PAWR: variants seen among roughly 807,000 people sequenced by gnomAD.
PAWR encodes PRKC apoptosis WT1 regulator protein.
A neutral mutation model predicts 32.0 loss-of-function variants in PAWR; 23 were observed. The ratio of observed to expected loss-of-function variants is 0.72; its 90% CI spans 0.52 to 1.02. PAWR has a LOEUF of 1.02. PAWR is among the 50% of genes least tolerant of loss of function. The pLI is 0.00. For synonymous variants in PAWR, 226 were observed against 187.1 expected (o/e 1.21, Z -1.70); for missense variants, 457 against 437.7 (o/e 1.04, Z -0.39).
Position 79,593,701 on chromosome 12 carries a change from GT to G in PAWR, c.936+627del, listed in dbSNP as rs537217082. ...AATAATAAAGAGTACCAATTTTAGGGTTTTTTTTTTTTTTTTTTGAGACAGA... is the reference window on the plus strand; with the variant it reads ...AATAATAAAGAGTACCAATTTTAGGGTTTTTTTTTTTTTTTTTGAGACAGA... On this transcript the variant is annotated intron_variant, in intron 6 of 6. Transcript: ENST00000328827. Among the ~76,000 whole-genome samples, 1,029 of 126,770 alleles carry G rather than the reference GT, an allele frequency of 8.1e-3. 6 individuals are homozygous for G. Among genetic ancestry groups the G allele is most frequent in the Non-Finnish European group, 9.4e-3 (557 of 59,470 alleles). 83.2% of individuals were successfully genotyped at this position (126,770 alleles called of 152,430 possible).
intron 4 of PAWR, among the ~76,000 whole-genome samples, chr12:79,600,815 C>G (rs1288191578): frequency 6.6e-6 from 1 of 152,132 alleles, no homozygotes; most frequent in East Asian, 1.9e-4. Flanking sequence ...AAATGACTAA[C>G]TTCAAAATAT....
chr12:79,594,735 G>A (rs1367210902), intron 5 of PAWR, among the ~76,000 whole-genome samples: 1 of 151,616 alleles, frequency 6.6e-6, no homozygotes, highest in Non-Finnish European at 1.5e-5. Flanking sequence ...GTGTATGTAT[G>A]TATGGCAGTG....
chr12:79,645,526 G>A (rs928661728), intron 2 of PAWR, among the ~76,000 whole-genome samples: 1 of 152,158 alleles, frequency 6.6e-6, no homozygotes, highest in Non-Finnish European at 1.5e-5. Flanking sequence ...ACAAATATCT[G>A]AGGGCTAATT....
chr12:79,684,294 A>T (rs1190056714), intron 2 of PAWR, among the ~76,000 whole-genome samples: 1 of 146,878 alleles, frequency 6.8e-6, no homozygotes, highest in Non-Finnish European at 1.5e-5. Context: ...ATAGGTGCTA[A>T]AAAAAAAATG....
rs1178859320 is a variant in PAWR at position 79,589,844 on chromosome 12, G to A, written c.*2763C>T. 1 of 152,112 alleles carries A rather than the reference G, an allele frequency of 6.6e-6. No homozygotes were observed. Among genetic ancestry groups the A allele is most frequent in the African/African-American group, 2.4e-5 (1 of 41,434 alleles). 9.4% of individuals were successfully genotyped at this position (152,112 alleles called of 1,614,324 possible). On this transcript the variant is annotated 3_prime_UTR_variant, in exon 7 of 7. Coordinates refer to ENST00000328827, the MANE Select transcript of PAWR (RefSeq NM_002583.4). ...AAATTCCCAGGAGATTTAAGAAATAGTATTTCTGAACAGGAATAATAATTT... is the reference window on the plus strand; with the variant it reads ...AAATTCCCAGGAGATTTAAGAAATAATATTTCTGAACAGGAATAATAATTT...
chr12:79,669,843 G>C (rs1262352402), intron 2 of PAWR, among the ~76,000 whole-genome samples: 1 of 151,676 alleles, frequency 6.6e-6, no homozygotes, highest in Non-Finnish European at 1.5e-5. Context: ...ACATACTATA[G>C]GTGTGCACCA....
intron 4 of PAWR, among the ~76,000 whole-genome samples, chr12:79,608,719 A>G (rs1874307907): frequency 6.6e-6 from 1 of 152,206 alleles, no homozygotes; most frequent in Non-Finnish European, 1.5e-5. Flanking sequence ...AAGTGTTTCT[A>G]AAATCACTGT....
At chr12:79,594,512 A>T (rs1873675344) in intron 5 of PAWR, 79 bp from the exon 6 acceptor site, 1 of 673,306 alleles carries the variant, frequency 1.5e-6, no homozygotes, top group East Asian at 2.8e-5. Flanking sequence ...ATATCTCCCC[A>T]ATTTGGTAAA....
chr12:79,686,221 C>G (rs949534148), intron 2 of PAWR, among the ~76,000 whole-genome samples: 3 of 152,160 alleles, frequency 2.0e-5, no homozygotes, highest in African/African-American at 4.8e-5. Flanking sequence ...TTCACACAAC[C>G]CTACTCAATG....
intron 2 of PAWR, among the ~76,000 whole-genome samples, chr12:79,676,381 CAA>C (rs941908708): frequency 1.3e-5 from 2 of 152,090 alleles, no homozygotes; most frequent in Non-Finnish European, 2.9e-5. Context: ...TCATGTGACT[CAA>C]GATAATAATA....
In PAWR at chr12:79,621,168, CT is replaced by C; in HGVS notation, c.555del (p.Glu186SerfsTer19). On this transcript the variant is annotated frameshift_variant, in exon 3 of 7. Coordinates refer to ENST00000328827, the MANE Select transcript of PAWR (RefSeq NM_002583.4). LOFTEE classifies it high-confidence loss of function. ...DEYEDDEAGQ[K>X]ERKREDAITQ... The stretch of plus-strand genomic sequence containing the variant: ...GTAATTGCATCTTCTCGTTTCCGCT[CT>C]TTCTGCCCTGCTTCATCATCTTCGT... 6.2e-7 allele frequency: 1 copy of C among 1,611,866 alleles called. No individual in the cohort carries two copies. Among genetic ancestry groups the C allele is most frequent in the Non-Finnish European group, 8.5e-7 (1 of 1,179,396 alleles).
At chr12:79,638,737 G>C (rs1876090699) in intron 2 of PAWR, among the ~76,000 whole-genome samples, 2 of 149,254 alleles carry the variant, frequency 1.3e-5, no homozygotes, top group South Asian at 4.3e-4. Flanking sequence ...CATACCCAGG[G>C]ACTCTAGATC....
In PAWR at chr12:79,632,343, ATATATATATATATATATATT is replaced by A. The variant is rs1566011059; in HGVS notation, c.517-11156_517-11137del. Among the ~76,000 whole-genome samples, 13 of 58,240 alleles carry A rather than the reference ATATATATATATATATATATT, an allele frequency of 2.2e-4. 1 individual carries two copies. The highest frequency in any genetic ancestry group is 1.8e-3 in the African/African-American group (5 of 2,752). The allele number at this position is 58,240 out of a possible 152,430, so 38.2% of individuals were successfully genotyped here. On this transcript the variant is annotated intron_variant, in intron 2 of 6. Transcript: ENST00000328827. ...TATATATATATATATATATATATAT[ATATATATATATATATATATT>A]TTTTTTTTTTTTTAGACAGGGTCTT...
chr12:79,594,385 G>A lies in PAWR; in HGVS notation c.880C>T (p.Gln294Ter). The change falls in exon 6 of 7, where the codon CAA becomes TAA. Residue 294 changes from glutamine to a stop codon, truncating the protein, a stop_gained. Coordinates refer to ENST00000328827, the MANE Select transcript of PAWR (RefSeq NM_002583.4). LOFTEE classifies it high-confidence loss of function. ...TTTCCAATCATTTCCTCTTTATCTT[G>A]CATCAGTCTCACAAGTCTTAGGTTT... is the stretch of plus-strand genomic sequence containing the variant. ...QENLRLVRLMQDKEEMIGKLK... is the reference protein window; with the variant it reads ...QENLRLVRLM The A allele has an allele frequency of 6.4e-7, 1 of 1,562,858 alleles. No homozygotes were observed. Among genetic ancestry groups the A allele is most frequent in the South Asian group, 1.2e-5 (1 of 86,224 alleles).
chr12:79,652,056 T>C (rs774783685), intron 2 of PAWR, among the ~76,000 whole-genome samples: 6 of 151,988 alleles, frequency 3.9e-5, no homozygotes, highest in African/African-American at 9.7e-5. Context: ...CAAATTAATA[T>C]AGACAAAGTA....
At position 79,596,594 on chromosome 12, in the gene PAWR, G is replaced by C. The variant is rs893489643; in HGVS notation, c.748C>G (p.Pro250Ala). ...ACATTTGCATCCCTGTTATATCTAG[G>C]GAACCCACTTCTATCTGTTCGAGAA... ...RYSRTDRSGF[P>A]RYNRDANVSG... The change falls in exon 5 of 7, where the codon CCT becomes GCT. Residue 250 changes from proline to alanine, a missense_variant. By Grantham distance (27) the Pro-to-Ala change is conservative. Coordinates refer to ENST00000328827, the MANE Select transcript of PAWR (RefSeq NM_002583.4). 3 of 1,597,246 alleles carry C rather than the reference G, an allele frequency of 1.9e-6. No individual in the cohort carries two copies. The highest frequency in any genetic ancestry group is 2.6e-6 in the Non-Finnish European group (3 of 1,166,576).
In PAWR at chr12:79,621,150, C is replaced by T. The variant is rs754438975; in HGVS notation, c.574G>A (p.Ala192Thr). 42 of 1,610,628 alleles carry T rather than the reference C, an allele frequency of 2.6e-5. No individual in the cohort carries two copies. Among genetic ancestry groups the T allele is most frequent in the Non-Finnish European group, 3.6e-5 (42 of 1,177,876 alleles). The change falls in exon 3 of 7, where the codon GCA becomes ACA. Residue 192 changes from alanine (A) to threonine (T), a missense_variant. Coordinates refer to ENST00000328827, the MANE Select transcript of PAWR (RefSeq NM_002583.4). ...AGQKERKRED[A>T]ITQQNTIQNE... Reference sequence around the variant, plus strand: ...TGAATAGTGTTCTGTTGTGTAATTGCATCTTCTCGTTTCCGCTCTTTCTGC... The same window carrying T: ...TGAATAGTGTTCTGTTGTGTAATTGTATCTTCTCGTTTCCGCTCTTTCTGC...
chr12:79,636,308 T>C (rs1875958484), intron 2 of PAWR, among the ~76,000 whole-genome samples: 1 of 150,496 alleles, frequency 6.6e-6, no homozygotes, highest in African/African-American at 2.5e-5. Flanking sequence ...ATATACCATT[T>C]GCCTCTATTA....
At chr12:79,629,712 G>A (rs942604575) in intron 2 of PAWR, among the ~76,000 whole-genome samples, 7 of 151,966 alleles carry the variant, frequency 4.6e-5, no homozygotes, top group South Asian at 2.1e-4. Context: ...CTCACTGTAT[G>A]TTCAATAAGA....
Sources: allele counts gnomAD v4.1 joint callset (sites outside exome capture counted in the v4.1 genomes callset), GRCh38; gene constraint gnomAD v4.1.1; transcripts MANE v1.5; gene names NCBI Gene and HGNC (gene_info 2026-07-23, HGNC 2026-07-21).